Variants in PTPRD observed in about 807,000 individuals in gnomAD.
The protein encoded by PTPRD is receptor-type tyrosine-protein phosphatase delta.
Under a neutral mutation model 214.5 loss-of-function variants are expected in PTPRD, and 34 were observed. That is an observed-to-expected ratio of 0.16 (90% CI 0.12 to 0.21). PTPRD has a LOEUF of 0.21. PTPRD is among the 10% of genes least tolerant of loss of function. PTPRD has a pLI of 1.00. For synonymous variants in PTPRD, 1,128 were observed against 845.7 expected, an observed-to-expected ratio of 1.33 and a Z score of -5.79; for missense variants, 2,545 against 2,398.7, an observed-to-expected ratio of 1.06 and a Z score of -1.27.
chr9:10,265,347 C>G (rs2093982829), intron 3 of PTPRD, among the ~76,000 whole-genome samples: 1 of 152,198 alleles, frequency 6.6e-6, no homozygotes. Context: ...TAACAACCAT[C>G]AGACATAAAA....
At chr9:8,811,228 G>A (rs2096795885) in intron 11 of PTPRD, among the ~76,000 whole-genome samples, 1 of 152,092 alleles carries the variant, frequency 6.6e-6, no homozygotes, top group South Asian at 2.1e-4. Context: ...CGGCTTGAGA[G>A]AACCCTTCCC....
intron 6 of PTPRD, among the ~76,000 whole-genome samples, chr9:9,738,614 G>A (rs1021391270): frequency 1.3e-5 from 2 of 151,460 alleles, no homozygotes; most frequent in Admixed American, 1.3e-4. Flanking sequence ...ACTAATTTTT[G>A]TATTTTTAGT....
rs374994215 is a variant in PTPRD at position 9,630,475 on chromosome 9, G to A, written c.-286-55694C>T. Among the ~76,000 whole-genome samples the A allele has an allele frequency of 7.9e-5, 12 of 152,112 alleles. 1 individual carries two copies. Among genetic ancestry groups the A allele is most frequent in the African/African-American group, 2.2e-4 (9 of 41,416 alleles). On this transcript the variant is annotated intron_variant, in intron 7 of 45. Coordinates refer to ENST00000381196, the MANE Select transcript of PTPRD (RefSeq NM_002839.4). ...AGGTACAGCACTAGCCTGAAGTGAC[G>A]GAAGGGGAGGAAAGGAGATAACAAT... is the stretch of plus-strand genomic sequence containing the variant.
chr9:9,520,226 AT>A (rs1420760936), intron 8 of PTPRD, among the ~76,000 whole-genome samples: 3 of 149,064 alleles, frequency 2.0e-5, no homozygotes, highest in East Asian at 1.9e-4. Flanking sequence ...AGAGCACATA[AT>A]TTTTTTGTAT....
intron 11 of PTPRD, among the ~76,000 whole-genome samples, chr9:8,993,299 C>G (rs1392431817): frequency 6.6e-6 from 1 of 152,022 alleles, no homozygotes. Context: ...AGTTTAATAA[C>G]AGTATCTATC....
intron 11 of PTPRD, among the ~76,000 whole-genome samples, chr9:8,928,776 T>C (rs1299648222): frequency 3.9e-5 from 6 of 152,256 alleles, no homozygotes; most frequent in Admixed American, 1.3e-4. Context: ...ATAAATTACT[T>C]GAGGTAATAT....
chr9:9,227,488 T>A (rs901791158), intron 9 of PTPRD, among the ~76,000 whole-genome samples: 1 of 152,098 alleles, frequency 6.6e-6, no homozygotes, highest in African/African-American at 2.4e-5. Context: ...TTAAAAACAT[T>A]ATGTCCACAA....
At chr9:8,919,628 G>A (rs541191805) in intron 11 of PTPRD, among the ~76,000 whole-genome samples, 7 of 152,202 alleles carry the variant, frequency 4.6e-5, no homozygotes, top group African/African-American at 1.4e-4. Flanking sequence ...ATATACAGAT[G>A]TTCATCTTAG....
At chr9:10,422,296 A>G (rs2098552922) in intron 2 of PTPRD, among the ~76,000 whole-genome samples, 1 of 152,046 alleles carries the variant, frequency 6.6e-6, no homozygotes, top group Admixed American at 6.6e-5. Flanking sequence ...TGTAACTTAT[A>G]CAAAAATTAA....
chr9:9,939,580 G>C (rs1031497816), intron 4 of PTPRD, among the ~76,000 whole-genome samples: 2 of 152,170 alleles, frequency 1.3e-5, no homozygotes, highest in Non-Finnish European at 2.9e-5. Flanking sequence ...CTAACTGCCA[G>C]AGTACCCATT....
chr9:8,837,182 T>C (rs2097447992), intron 11 of PTPRD, among the ~76,000 whole-genome samples: 1 of 151,932 alleles, frequency 6.6e-6, no homozygotes, highest in South Asian at 2.1e-4. Flanking sequence ...GACCAGCTAA[T>C]TTTTGTATTT....
Position 8,517,827 on chromosome 9 carries a change from TC to T in PTPRD, c.1543+20del. ...ACCAGCCCTTCCCTCCTGCCCTATT[TC>T]CCTCCTCAACCAAACTTACCTCCTG... On this transcript the variant is annotated intron_variant, in intron 21 of 45. Transcript: ENST00000381196. 6.3e-7 allele frequency: 1 copy of T among 1,597,902 alleles called. No homozygotes were observed. Among genetic ancestry groups the T allele is most frequent in the Non-Finnish European group, 8.5e-7 (1 of 1,169,864 alleles).
intron 4 of PTPRD, among the ~76,000 whole-genome samples, chr9:10,007,117 G>C (rs1021306861): frequency 9.9e-5 from 15 of 151,918 alleles, no homozygotes; most frequent in Non-Finnish European, 1.9e-4. Flanking sequence ...AAAGATCAAA[G>C]AGTTTAACTT....
intron 7 of PTPRD, among the ~76,000 whole-genome samples, chr9:9,606,408 T>G (rs967779047): frequency 4.6e-5 from 7 of 152,052 alleles, no homozygotes; most frequent in Middle Eastern, 3.2e-3. Context: ...AAATCTGGTG[T>G]TTTTTTGTTA....
intron 5 of PTPRD, among the ~76,000 whole-genome samples, chr9:9,774,736 T>C (rs971089793): frequency 5.9e-5 from 9 of 152,216 alleles, no homozygotes; most frequent in Non-Finnish European, 1.3e-4. Context: ...TTAAAAAAGA[T>C]TCTAAGTAAA....
At chr9:9,318,820 T>C (rs1411505579) in intron 9 of PTPRD, among the ~76,000 whole-genome samples, 2 of 152,286 alleles carry the variant, frequency 1.3e-5, no homozygotes, top group African/African-American at 4.8e-5. Flanking sequence ...GGAGGTGAGC[T>C]CCTTGTTGAC....
At chr9:9,597,176 A>G (rs903018618) in intron 7 of PTPRD, among the ~76,000 whole-genome samples, 4 of 152,024 alleles carry the variant, frequency 2.6e-5, no homozygotes, top group African/African-American at 9.7e-5. Flanking sequence ...GGGGAATAAA[A>G]ATCATCCTTA....
chr9:8,495,071 A>G (rs918343256), intron 26 of PTPRD, among the ~76,000 whole-genome samples: 1 of 152,140 alleles, frequency 6.6e-6, no homozygotes, highest in Non-Finnish European at 1.5e-5. Flanking sequence ...TAAACCTTAA[A>G]TAATTATTTC....
chr9:10,476,482 A>G (rs956028486), intron 2 of PTPRD, among the ~76,000 whole-genome samples: 8 of 151,808 alleles, frequency 5.3e-5, no homozygotes, highest in Non-Finnish European at 1.0e-4. Context: ...TAAAGGAAGT[A>G]AAAGAGGACA....
Sources: allele counts gnomAD v4.1 joint callset (sites outside exome capture counted in the v4.1 genomes callset), GRCh38; gene constraint gnomAD v4.1.1; transcripts MANE v1.5; gene names NCBI Gene and HGNC (gene_info 2026-07-23, HGNC 2026-07-21).